SPATA13: variants seen among roughly 807,000 people sequenced by gnomAD.
The protein encoded by SPATA13 is spermatogenesis associated 13, also known as spermatogenesis-associated protein 13.
In SPATA13, 50 loss-of-function variants were observed where a neutral mutation model predicts 104.0. The ratio of observed to expected loss-of-function variants is 0.48; its 90% CI spans 0.38 to 0.61. The LOEUF (loss-of-function observed/expected upper bound fraction) is 0.61, where lower values mean the gene tolerates loss of function less well. SPATA13 is among the 20% of genes least tolerant of loss of function. The probability of loss-of-function intolerance (pLI) is 0.00; values close to 1 mark genes in which losing one functional copy is unlikely to be tolerated. For synonymous variants in SPATA13, 606 were observed against 667.5 expected (o/e 0.91, Z 1.42); for missense variants, 1,524 against 1,690.6 (o/e 0.90, Z 1.73).
intron 1 of SPATA13, among the ~76,000 whole-genome samples, chr13:24,214,186 C>T (rs1871169211): frequency 6.6e-6 from 1 of 152,208 alleles, no homozygotes; most frequent in South Asian, 2.1e-4. Context: ...AATCACAAAG[C>T]AGATCAACCC....
intron 4 of SPATA13, among the ~76,000 whole-genome samples, chr13:24,273,783 A>G (rs1874781229): frequency 1.3e-5 from 2 of 152,256 alleles, no homozygotes; most frequent in East Asian, 1.9e-4. Context: ...GAACTGAAAA[A>G]TAAGTCATGG....
chr13:24,155,682 G>A (rs1422057598), intron 3 of SPATA13, among the ~76,000 whole-genome samples: 1 of 152,076 alleles, frequency 6.6e-6, no homozygotes, highest in Non-Finnish European at 1.5e-5. Flanking sequence ...AAAAACTGTG[G>A]TAAAATACAC....
Position 24,031,052 on chromosome 13 carries a change from A to G in SPATA13, c.-112+13351A>G, listed in dbSNP as rs200439490. Among the ~76,000 whole-genome samples, 3 of 152,204 alleles carry G rather than the reference A, an allele frequency of 2.0e-5. No homozygotes were observed. The East Asian group carries it at 5.8e-4, about 29-fold the overall frequency. ...CACCCAGTTTACCGCATTTTCTTCC[A>G]TTTCTCAATATCTTCTCCCATTCAA... is the stretch of plus-strand genomic sequence containing the variant. On this transcript the variant is annotated intron_variant, in intron 3 of 14. Coordinates refer to the SPATA13 transcript ENST00000424834.
At chr13:24,082,838 A>C (rs1347224974) in intron 3 of SPATA13, among the ~76,000 whole-genome samples, 1 of 150,330 alleles carries the variant, frequency 6.7e-6, no homozygotes, top group Non-Finnish European at 1.5e-5. Flanking sequence ...AAAAAAAAAA[A>C]AAAAAAAAAA....
chr13:24,083,138 A>G (rs1207484511), intron 3 of SPATA13, among the ~76,000 whole-genome samples: 1 of 152,266 alleles, frequency 6.6e-6, no homozygotes, highest in Non-Finnish European at 1.5e-5. Context: ...TCCAGCCTTG[A>G]GGTGCTCACC....
chr13:24,154,543 TA>T (rs1882202872), intron 3 of SPATA13, among the ~76,000 whole-genome samples: 1 of 152,188 alleles, frequency 6.6e-6, no homozygotes, highest in Non-Finnish European at 1.5e-5. Flanking sequence ...GAGGGGCACA[TA>T]AGGGAGTCTT....
intron 3 of SPATA13, among the ~76,000 whole-genome samples, chr13:24,079,829 T>C (rs1461048196): frequency 6.6e-6 from 1 of 152,202 alleles, no homozygotes; most frequent in Non-Finnish European, 1.5e-5. Context: ...ATTTCGCCTC[T>C]CACCTTTTGG....
intron 2 of SPATA13, among the ~76,000 whole-genome samples, chr13:24,002,356 G>A (rs749763183): frequency 2.6e-5 from 4 of 152,190 alleles, no homozygotes; most frequent in African/African-American, 7.2e-5. Flanking sequence ...CTGTCGTCTT[G>A]GAGTGTTCAG....
rs969563886 is a variant in SPATA13 at position 24,216,783 on chromosome 13, G to C, written c.-111-6036G>C. The stretch of plus-strand genomic sequence containing the variant: ...TTGTAAATTATGGCTGGGCATGGTG[G>C]CTCATGCCTGTAATCCCAATACTTT... On this transcript the variant is annotated intron_variant, in intron 1 of 12. Coordinates refer to ENST00000382108, the MANE Select transcript of SPATA13 (RefSeq NM_001166271.3). 3.9e-5 allele frequency among the ~76,000 whole-genome samples: 6 copies of C among 152,296 alleles called. No individual in the cohort carries two copies. The South Asian group carries it at 1.2e-3, about 32-fold the overall frequency.
intron 12 of SPATA13, among the ~76,000 whole-genome samples, chr13:24,301,757 C>T (rs918836803): frequency 3.3e-5 from 5 of 152,196 alleles, no homozygotes; most frequent in South Asian, 2.1e-4. Flanking sequence ...TACACAGTTA[C>T]GTTTTAATCT....
At chr13:24,006,455 C>T (rs981811246) in intron 2 of SPATA13, among the ~76,000 whole-genome samples, 2 of 152,206 alleles carry the variant, frequency 1.3e-5, no homozygotes, top group African/African-American at 2.4e-5. Context: ...TCCAGCATGT[C>T]CCCATTTCAT....
At chr13:24,262,423 T>C (rs889639672) in intron 4 of SPATA13, among the ~76,000 whole-genome samples, 1 of 152,182 alleles carries the variant, frequency 6.6e-6, no homozygotes, top group African/African-American at 2.4e-5. Context: ...TGTTTTTTCT[T>C]AGGACTGTCA....
At chr13:24,215,823 G>A (rs992424850) in intron 1 of SPATA13, among the ~76,000 whole-genome samples, 1 of 152,136 alleles carries the variant, frequency 6.6e-6, no homozygotes, top group African/African-American at 2.4e-5. Context: ...CCATCACAGT[G>A]CCTTCAGGAT....
Position 24,097,057 on chromosome 13 carries a change from G to A in SPATA13, c.-112+79356G>A, listed in dbSNP as rs550738424. 6.6e-5 allele frequency among the ~76,000 whole-genome samples: 10 copies of A among 152,322 alleles called. No individual in the cohort carries two copies. In the South Asian group the frequency reaches 8.3e-4, roughly 13 times the overall value. ...ATGCAGAAATTCGAGGAGAAACAGC[G>A]TTGGCCCCGGCTGAAACGGTGCCAG... On this transcript the variant is annotated intron_variant, in intron 3 of 14. Coordinates refer to the SPATA13 transcript ENST00000424834.
chr13:24,024,344 T>G (rs1877109785), intron 3 of SPATA13, among the ~76,000 whole-genome samples: 1 of 136,118 alleles, frequency 7.3e-6, no homozygotes, highest in African/African-American at 2.5e-5. Flanking sequence ...GATGGATGGA[T>G]GAATGGATGG....
At chr13:24,228,886 C>G (rs923872366) in intron 2 of SPATA13, among the ~76,000 whole-genome samples, 7 of 152,140 alleles carry the variant, frequency 4.6e-5, no homozygotes, top group African/African-American at 1.7e-4. Context: ...TTATTTATAT[C>G]ATACTGTCCT....
chr13:24,016,349 A>G (rs1876712137), intron 2 of SPATA13, among the ~76,000 whole-genome samples: 2 of 151,998 alleles, frequency 1.3e-5, no homozygotes, highest in Admixed American at 6.5e-5. Context: ...TACCATTTCC[A>G]TTTGGATCCA....
At chr13:24,206,258 A>G (rs774944227) in intron 1 of SPATA13, among the ~76,000 whole-genome samples, 89 of 142,112 alleles carry the variant, frequency 6.3e-4, no homozygotes, top group Non-Finnish European at 1.1e-3. Flanking sequence ...AAAGTGGGAA[A>G]AGGATATGAA....
At chr13:24,125,049 G>A (rs1034664900) in intron 3 of SPATA13, among the ~76,000 whole-genome samples, 1 of 152,188 alleles carries the variant, frequency 6.6e-6, no homozygotes, top group Admixed American at 6.5e-5. Context: ...GCTCTCCCCG[G>A]TATTTCTCCC....
Sources: allele counts gnomAD v4.1 joint callset (sites outside exome capture counted in the v4.1 genomes callset), GRCh38; gene constraint gnomAD v4.1.1; transcripts MANE v1.5; gene names NCBI Gene and HGNC (gene_info 2026-07-23, HGNC 2026-07-21).